Variants in TMBIM1 observed in about 807,000 individuals in gnomAD.
TMBIM1 encodes the protein transmembrane BAX inhibitor motif containing 1.
TMBIM1 carries 34 observed loss-of-function variants against 45.1 expected under a neutral mutation model. The ratio of observed to expected loss-of-function variants is 0.75; its 90% CI spans 0.57 to 1.00. TMBIM1 has a LOEUF of 1.00. Ranked by LOEUF, TMBIM1 falls within the 50% of genes least tolerant of loss-of-function variation. TMBIM1 has a pLI of 0.00. For missense variants in TMBIM1, 374 were observed against 402.4 expected, an observed-to-expected ratio of 0.93 and a Z score of 0.60; for synonymous variants, 157 against 153.5, an observed-to-expected ratio of 1.02 and a Z score of -0.17.
chr2:218,278,141 G>T, intron 6 of TMBIM1, 167 bp from the exon 7 acceptor site: 1 of 690,654 alleles, frequency 1.4e-6, no homozygotes, highest in Non-Finnish European at 2.4e-6. Context: ...GGTACGCAGG[G>T]ACAACATGGG....
At chr2:218,279,374 A>G in intron 3 of TMBIM1, 21 bp from the exon 4 acceptor site, 4 of 1,539,206 alleles carry the variant, frequency 2.6e-6, no homozygotes, top group South Asian at 1.3e-5. Context: ...ACGGCCGGGC[A>G]TGGGTCACCA....
chr2:218,279,197 C>A, intron 4 of TMBIM1, 92 bp downstream of exon 4: 1 of 1,571,466 alleles, frequency 6.4e-7, no homozygotes, highest in South Asian at 1.2e-5. Flanking sequence ...CATGGTCACC[C>A]TGAGAGCAGG....
At position 218,282,104 on chromosome 2, in the gene TMBIM1, C is replaced by T. The variant is rs767796792; in HGVS notation, c.38G>A (p.Arg13His). ...NPSAPPPYED[R>H]NPLYPGPPPP... ...CGGAGGGCCTGGGTACAGGGGGTTGCGGTCTTCATATGGTGGTGGGGCGCT... is the reference window on the plus strand; with the variant it reads ...CGGAGGGCCTGGGTACAGGGGGTTGTGGTCTTCATATGGTGGTGGGGCGCT... The change falls in exon 2 of 12, where the codon CGC (arginine) becomes CAC (histidine). Residue 13 changes from arginine to histidine, a missense_variant. By Grantham distance (29) the Arg-to-His change is conservative. Transcript: ENST00000258412. 1.1e-5 allele frequency: 17 copies of T among 1,555,380 alleles called. No individual in the cohort carries two copies. Among genetic ancestry groups the T allele is most frequent in the African/African-American group, 6.9e-5 (5 of 72,692 alleles).
In TMBIM1 at chr2:218,287,863, C is replaced by T. The variant is rs558432582; in HGVS notation, c.-41+4603G>A. On this transcript the variant is annotated intron_variant, in intron 1 of 11. Transcript: ENST00000258412. Reference sequence around the variant, plus strand: ...GAGGGAGAGGCTGTCCTGGGGATCACGAGAGGACCCAGGCACCGCAGCTCC... The same window carrying T: ...GAGGGAGAGGCTGTCCTGGGGATCATGAGAGGACCCAGGCACCGCAGCTCC... 8.1e-4 allele frequency among the ~76,000 whole-genome samples: 123 copies of T among 152,266 alleles called. No individual in the cohort carries two copies. In the South Asian group the frequency reaches 8.7e-3, roughly 11 times the overall value.
At position 218,279,371 on chromosome 2, in the gene TMBIM1, G is replaced by T; in HGVS notation, c.304-18C>A. 6.5e-7 allele frequency: 1 copy of T among 1,541,412 alleles called. No individual in the cohort carries two copies. Among genetic ancestry groups the T allele is most frequent in the East Asian group, 2.3e-5 (1 of 43,782 alleles). ...GAGTAAACCTGGACACAGACGGCCG[G>T]GCATGGGTCACCATCCGGCACCCCT... On this transcript the variant is annotated intron_variant, in intron 3 of 11. Transcript: ENST00000258412.
intron 1 of TMBIM1, among the ~76,000 whole-genome samples, chr2:218,285,542 G>A (rs1222225224): frequency 1.3e-5 from 2 of 152,174 alleles, no homozygotes; most frequent in African/African-American, 2.4e-5. Context: ...CAGGCTTGGA[G>A]ATACATAAAG....
At chr2:218,286,442 T>C (rs576916919) in intron 1 of TMBIM1, 197 of 152,208 alleles carry the variant, frequency 1.3e-3, no homozygotes, top group African/African-American at 4.4e-3. Context: ...TATCAAGGCA[T>C]TCAGACTGTG....
chr2:218,277,826 G>T, intron 7 of TMBIM1, 109 bp downstream of exon 7: 1 of 1,555,832 alleles, frequency 6.4e-7, no homozygotes, highest in Admixed American at 1.7e-5. Flanking sequence ...GCCCAGATAA[G>T]GTGGAGGAGA....
rs775988352 is a variant in TMBIM1 at position 218,282,012 on chromosome 2, G to A, written c.130C>T (p.Gln44Ter). The A allele has an allele frequency of 4.4e-6, 7 of 1,608,040 alleles. No individual in the cohort carries two copies. The highest frequency in any genetic ancestry group is 2.7e-5 in the African/African-American group (2 of 74,828). Residue 44 changes from glutamine (Q) to a stop codon, truncating the protein, a stop_gained, in exon 2 of 12, where the codon CAG (glutamine) becomes TAG (stop). Transcript: ENST00000258412. LOFTEE classifies it high-confidence loss of function. ...CCAGCAGGGTGACCGTAGCCAGGCT[G>A]CGGGTAGCCAGGGTAGGCAGGATAC... ...GGYPAYPGYP[Q>*]PGYGHPAGYP...
intron 1 of TMBIM1, among the ~76,000 whole-genome samples, chr2:218,287,770 C>G (rs1333045835): frequency 6.6e-6 from 1 of 152,132 alleles, no homozygotes; most frequent in Non-Finnish European, 1.5e-5. Context: ...CCCCTCCCAG[C>G]CCCCTCTCTA....
intron 1 of TMBIM1, among the ~76,000 whole-genome samples, chr2:218,287,054 T>C (rs1574658359): frequency 6.6e-6 from 1 of 151,774 alleles, no homozygotes; most frequent in African/African-American, 2.4e-5. Flanking sequence ...CACCCAGGAG[T>C]GTCTGGGCAA....
Position 218,277,618 on chromosome 2 carries a change from T to C in TMBIM1, c.551+15A>G. ...TACACATTTCCCAAGAGTGGTGCTT[T>C]ATCCCTGAATGTACCTGGAAATGGT... On this transcript the variant is annotated intron_variant, in intron 8 of 11. Transcript: ENST00000258412. 6.2e-7 allele frequency: 1 copy of C among 1,614,200 alleles called. No individual in the cohort carries two copies. The highest frequency in any genetic ancestry group is 8.5e-7 in the Non-Finnish European group (1 of 1,180,020).
chr2:218,289,219 T>C (rs143100920), intron 1 of TMBIM1, among the ~76,000 whole-genome samples: 9 of 147,852 alleles, frequency 6.1e-5, no homozygotes, highest in South Asian at 2.2e-4. Flanking sequence ...CTGCGGAAAG[T>C]TGATCTGAAG....
chr2:218,289,339 A>G (rs1692768939), intron 1 of TMBIM1, among the ~76,000 whole-genome samples: 1 of 152,080 alleles, frequency 6.6e-6, no homozygotes, highest in Admixed American at 6.6e-5. Flanking sequence ...CAGTAAGACA[A>G]TTCCCCTCAA....
chr2:218,278,674 G>T, intron 5 of TMBIM1, 109 bp from the exon 6 acceptor site: 1 of 1,209,022 alleles, frequency 8.3e-7, no homozygotes, highest in Non-Finnish European at 1.2e-6. Flanking sequence ...AGTCTGAGGG[G>T]AAGCAACTCA....
At chr2:218,279,564 C>A in intron 3 of TMBIM1, 1 of 531,400 alleles carries the variant, frequency 1.9e-6, no homozygotes, top group East Asian at 3.1e-5. Context: ...CCCTCCTGTC[C>A]AACACCAGCC....
At chr2:218,289,596 C>T (rs992552303) in intron 1 of TMBIM1, among the ~76,000 whole-genome samples, 1 of 128,152 alleles carries the variant, frequency 7.8e-6, no homozygotes, top group Non-Finnish European at 1.6e-5. Context: ...GAGCCGAGAC[C>T]ATGCCACTGC....
chr2:218,277,081 T>C lies in TMBIM1; in HGVS notation c.658A>G (p.Thr220Ala). The C allele has an allele frequency of 6.2e-7, 1 of 1,614,138 alleles. No individual in the cohort carries two copies. The highest frequency in any genetic ancestry group is 8.5e-7 in the Non-Finnish European group (1 of 1,179,994). ...ATTCCCAGGACACAGAAGAGGCCTGTGCACGAGGTGAAGTCCACCTGCCAG... is the reference window on the plus strand; with the variant it reads ...ATTCCCAGGACACAGAAGAGGCCTGCGCACGAGGTGAAGTCCACCTGCCAG... ...FQTKVDFTSC[T>A]GLFCVLGIVL... is the part of the protein sequence containing the mutation. The change falls in exon 10 of 12, where the codon ACA becomes GCA. Residue 220 changes from threonine (T) to alanine (A), a missense_variant. Thr to Ala is a moderately conservative substitution (Grantham distance 58). Coordinates refer to ENST00000258412, the MANE Select transcript of TMBIM1 (RefSeq NM_022152.6).
At chr2:218,278,885 C>T (rs988757018) in intron 5 of TMBIM1, among the ~76,000 whole-genome samples, 153 bp downstream of exon 5, 4 of 152,192 alleles carry the variant, frequency 2.6e-5, no homozygotes, top group African/African-American at 4.8e-5. Context: ...CATCTGGGCA[C>T]GCACACCCAC....
Sources: gnomAD v4.1 joint callset for allele counts (sites outside exome capture counted in the v4.1 genomes callset) on GRCh38, gnomAD v4.1.1 for gene constraint, MANE v1.5 for transcripts, NCBI Gene and HGNC (gene_info 2026-07-23, HGNC 2026-07-21) for gene names.